The following SHISA9 variants were observed in gnomAD, a reference collection of about 807,000 sequenced individuals.
SHISA9 encodes the protein protein shisa-9.
In SHISA9, 13 loss-of-function variants were observed where a neutral mutation model predicts 38.0. That is an observed-to-expected ratio of 0.34 (90% CI 0.22 to 0.54). The LOEUF (loss-of-function observed/expected upper bound fraction) is 0.54. SHISA9 is among the 20% of genes least tolerant of loss of function. SHISA9 has a pLI of 0.91. For missense variants in SHISA9, 538 were observed against 575.8 expected (o/e 0.93, Z 0.67); for synonymous variants, 275 against 242.0 (o/e 1.14, Z -1.27).
At chr16:13,366,968 G>A in the SHISA9 span, among the ~76,000 whole-genome samples, 10 of 139,984 alleles carry the variant, frequency 7.1e-5, no homozygotes, top group Admixed American at 4.4e-4. Context: ...GGGCAACAGG[G>A]TGAGGCTCCA....
intron 2 of SHISA9, among the ~76,000 whole-genome samples, chr16:12,924,797 A>G (rs889016998): frequency 1.3e-5 from 2 of 152,094 alleles, no homozygotes; most frequent in Admixed American, 1.3e-4. Flanking sequence ...GAAGTGGGGG[A>G]CACAGACTTG....
chr16:13,145,843 C>T (rs2050442692), intron 2 of SHISA9, among the ~76,000 whole-genome samples: 1 of 152,104 alleles, frequency 6.6e-6, no homozygotes, highest in African/African-American at 2.4e-5. Context: ...AAACAAAACA[C>T]ACAAAAAAAT....
At chr16:13,101,647 G>C in intron 2 of SHISA9, among the ~76,000 whole-genome samples, 1 of 152,228 alleles carries the variant, frequency 6.6e-6, no homozygotes, top group East Asian at 1.9e-4. Flanking sequence ...ATACCCAGAA[G>C]TGGGATTGCT....
At chr16:13,064,784 C>CAAAAAAAAA (rs72435637) in intron 2 of SHISA9, among the ~76,000 whole-genome samples, 22 of 82,294 alleles carry the variant, frequency 2.7e-4, no homozygotes, top group East Asian at 3.6e-4. Context: ...AGTTGTAAGG[C>CAAAAAAAAA]AAAAAAAAAA....
In SHISA9 at chr16:13,201,172, T is replaced by A. The variant is rs2051002607; in HGVS notation, c.692-2222T>A. Among the ~76,000 whole-genome samples, 2 of 134,882 alleles carry A rather than the reference T, an allele frequency of 1.5e-5. 1 individual carries two copies. The highest frequency in any genetic ancestry group is 3.2e-5 in the Non-Finnish European group (2 of 61,922). The allele number at this position is 134,882 out of a possible 152,430, so 88.5% of individuals were successfully genotyped here. A position where few individuals can be genotyped will look rare whatever the true frequency, so the allele number is the denominator to read the frequency against. ...TACCACCTGTTTTTGTAAATAAAGTTTTATTGGAACACAGCCACACCCATT... is the reference window on the plus strand; with the variant it reads ...TACCACCTGTTTTTGTAAATAAAGTATTATTGGAACACAGCCACACCCATT... On this transcript the variant is annotated intron_variant, in intron 2 of 4. Transcript: ENST00000558583.
the SHISA9 span, among the ~76,000 whole-genome samples, chr16:13,288,112 A>T: frequency 6.6e-6 from 1 of 152,148 alleles, no homozygotes; most frequent in Admixed American, 6.5e-5. Context: ...GGCCAAGGTG[A>T]TAATGACAAT....
chr16:12,980,071 A>G (rs1381247531), intron 2 of SHISA9, among the ~76,000 whole-genome samples: 1 of 152,208 alleles, frequency 6.6e-6, no homozygotes, highest in Non-Finnish European at 1.5e-5. Context: ...CACTTTGAGT[A>G]GGGTTTTGCG....
chr16:13,561,590 C>T, the SHISA9 span, among the ~76,000 whole-genome samples: 4 of 152,134 alleles, frequency 2.6e-5, no homozygotes, highest in Non-Finnish European at 5.9e-5. Context: ...TCCTTCAGGA[C>T]TCTGCTCAGA....
the SHISA9 span, among the ~76,000 whole-genome samples, chr16:13,255,410 T>G: frequency 6.6e-6 from 1 of 152,248 alleles, no homozygotes; most frequent in East Asian, 1.9e-4. Context: ...ACTCTGTGTC[T>G]CTTTATGTGT....
At chr16:13,464,569 A>G in the SHISA9 span, among the ~76,000 whole-genome samples, 1 of 152,158 alleles carries the variant, frequency 6.6e-6, no homozygotes, top group Non-Finnish European at 1.5e-5. Flanking sequence ...TTTCATGTCA[A>G]TTTTGTTTTG....
chr16:13,062,138 G>A (rs1169107859), intron 2 of SHISA9, among the ~76,000 whole-genome samples: 2 of 151,974 alleles, frequency 1.3e-5, no homozygotes, highest in African/African-American at 2.4e-5. Context: ...GACAAACAAC[G>A]GGTGGCATTT....
intron 2 of SHISA9, among the ~76,000 whole-genome samples, chr16:13,167,997 G>C (rs1199548340): frequency 1.3e-5 from 2 of 152,270 alleles, no homozygotes; most frequent in East Asian, 3.9e-4. Context: ...CAGCTCACCT[G>C]TCTGTAACAA....
At chr16:12,903,771 C>G (rs765163817) in intron 1 of SHISA9, among the ~76,000 whole-genome samples, 9 of 152,138 alleles carry the variant, frequency 5.9e-5, no homozygotes, top group Non-Finnish European at 1.3e-4. Flanking sequence ...TCTCCCCACC[C>G]CTTCTTCCGC....
chr16:13,279,434 A>G, the SHISA9 span, among the ~76,000 whole-genome samples: 2 of 151,914 alleles, frequency 1.3e-5, no homozygotes, highest in East Asian at 1.9e-4. Flanking sequence ...GTTTAAATCC[A>G]TTGTCGCTTT....
the SHISA9 span, among the ~76,000 whole-genome samples, chr16:13,369,782 A>G: frequency 3.9e-5 from 6 of 152,114 alleles, no homozygotes; most frequent in Non-Finnish European, 8.8e-5. Flanking sequence ...TCAAAGAATG[A>G]CAAACACTGA....
At chr16:12,944,452 A>G (rs1312635486) in intron 2 of SHISA9, among the ~76,000 whole-genome samples, 1 of 152,204 alleles carries the variant, frequency 6.6e-6, no homozygotes, top group African/African-American at 2.4e-5. Flanking sequence ...TCTTCCTGGA[A>G]GATTGCTGAG....
At chr16:12,928,567 A>G (rs80075667) in intron 2 of SHISA9, among the ~76,000 whole-genome samples, 3,771 of 152,326 alleles carry the variant, frequency 0.025, 66 homozygotes, top group African/African-American at 0.043. Context: ...GGATGTGAAC[A>G]AAAGGGATGG....
At chr16:13,337,858 T>C in the SHISA9 span, among the ~76,000 whole-genome samples, 2 of 152,140 alleles carry the variant, frequency 1.3e-5, no homozygotes, top group African/African-American at 4.8e-5. Flanking sequence ...TCTCCTGCTC[T>C]GCCATGTAAA....
chr16:13,186,219 T>C (rs1036173634), intron 2 of SHISA9, among the ~76,000 whole-genome samples: 1 of 149,552 alleles, frequency 6.7e-6, no homozygotes, highest in Non-Finnish European at 1.5e-5. Flanking sequence ...AAGCACATTG[T>C]TGTGTGTGTG....
Sources: allele counts gnomAD v4.1 joint callset (sites outside exome capture counted in the v4.1 genomes callset), GRCh38; gene constraint gnomAD v4.1.1; transcripts MANE v1.5; gene names NCBI Gene and HGNC (gene_info 2026-07-23, HGNC 2026-07-21).